Variants in VEZT observed in about 807,000 individuals in gnomAD.
VEZT encodes the protein vezatin, adherens junctions transmembrane protein, also known as vezatin.
Under a neutral mutation model 79.9 loss-of-function variants are expected in VEZT, and 39 were observed. The ratio of observed to expected loss-of-function variants is 0.49; its 90% CI spans 0.38 to 0.64. The LOEUF (loss-of-function observed/expected upper bound fraction) is 0.64, where lower values mean the gene tolerates loss of function less well. VEZT is among the 30% of genes least tolerant of loss of function. The pLI is 0.00. For synonymous variants in VEZT, 325 were observed against 327.6 expected (o/e 0.99, Z 0.09); for missense variants, 837 against 893.1 (o/e 0.94, Z 0.80).
At chr12:95,272,199 AG>A in intron 6 of VEZT, among the ~76,000 whole-genome samples, 1 of 151,118 alleles carries the variant, frequency 6.6e-6, no homozygotes, top group Non-Finnish European at 1.5e-5. Context: ...ATAAATGGAC[AG>A]ATGGGATTCT....
chr12:95,238,729 T>C (rs2060504456), intron 1 of VEZT, among the ~76,000 whole-genome samples: 1 of 152,228 alleles, frequency 6.6e-6, no homozygotes, highest in African/African-American at 2.4e-5. Flanking sequence ...ACCTGATTCT[T>C]CAAATCAGAA....
chr12:95,266,304 A>G (rs2065525916), intron 4 of VEZT, 53 bp from the exon 5 acceptor site: 4 of 1,522,698 alleles, frequency 2.6e-6, no homozygotes, highest in African/African-American at 1.4e-5. Context: ...AAAGTAATTC[A>G]TCTTTCTTTC....
chr12:95,248,604 A>G (rs535427123), intron 1 of VEZT, among the ~76,000 whole-genome samples: 7 of 152,318 alleles, frequency 4.6e-5, no homozygotes, highest in African/African-American at 1.7e-4. Flanking sequence ...TATAATCTCA[A>G]TAAAAAGTTT....
At chr12:95,279,904 G>A (rs771459924) in intron 7 of VEZT, among the ~76,000 whole-genome samples, 13 of 152,120 alleles carry the variant, frequency 8.5e-5, no homozygotes, top group South Asian at 4.1e-4. Flanking sequence ...TTCAAAAGCC[G>A]CAGTAAACTG....
chr12:95,277,752 G>GTATTAGATTAAA (rs1340745976), intron 7 of VEZT, among the ~76,000 whole-genome samples: 2 of 152,124 alleles, frequency 1.3e-5, no homozygotes, highest in Non-Finnish European at 2.9e-5. Flanking sequence ...GCCTTATAAG[G>GTATTAGATTAAA]TATTAGATTA....
intron 6 of VEZT, among the ~76,000 whole-genome samples, chr12:95,270,511 C>T (rs2066383434): frequency 6.6e-6 from 1 of 152,124 alleles, no homozygotes; most frequent in South Asian, 2.1e-4. Context: ...CTCAACATGG[C>T]AGATTTGCAT....
In VEZT at chr12:95,282,536, A is replaced by G; in HGVS notation, c.1220A>G (p.Gln407Arg). 11 of 1,614,044 alleles carry G rather than the reference A, an allele frequency of 6.8e-6. No homozygotes were observed. The highest frequency in any genetic ancestry group is 9.3e-6 in the Non-Finnish European group (11 of 1,179,894). ...EFYRYFETQH[Q>R]SVPQCLSKTQ... Reference sequence around the variant, plus strand: ...TATCGGTACTTTGAAACTCAGCACCAGTCAGTACCGCAGTGTTTATCCAAA... The same window carrying G: ...TATCGGTACTTTGAAACTCAGCACCGGTCAGTACCGCAGTGTTTATCCAAA... The change falls in exon 8 of 12, where the codon CAG (glutamine) becomes CGG (arginine). Residue 407 changes from glutamine to arginine, a missense_variant. Physicochemically the swap from Gln to Arg is conservative, Grantham distance 43 (BLOSUM62 1). Transcript: ENST00000436874.
At chr12:95,283,969 G>A (rs981726164) in intron 8 of VEZT, among the ~76,000 whole-genome samples, 13 of 152,298 alleles carry the variant, frequency 8.5e-5, no homozygotes, top group East Asian at 5.8e-4. Flanking sequence ...CAGAGCCTCC[G>A]AAGAAGTAAG....
intron 2 of VEZT, among the ~76,000 whole-genome samples, chr12:95,256,201 A>G (rs1467074335): frequency 2.0e-5 from 3 of 151,846 alleles, no homozygotes. Context: ...ACAGGCATGC[A>G]CCACTATGCC....
intron 1 of VEZT, chr12:95,224,054 T>C: frequency 2.6e-6 from 1 of 384,984 alleles, no homozygotes; most frequent in Non-Finnish European, 5.3e-6. Flanking sequence ...TACCCAAGTA[T>C]ATAGTTGAGG....
At chr12:95,289,420 A>G (rs2072071553) in intron 9 of VEZT, among the ~76,000 whole-genome samples, 1 of 114,348 alleles carries the variant, frequency 8.7e-6, no homozygotes, top group Non-Finnish European at 2.1e-5. Flanking sequence ...CTTGTCTCAA[A>G]AAAAAAAAAA....
At chr12:95,261,149 A>C (rs1026785987) in intron 3 of VEZT, among the ~76,000 whole-genome samples, 1 of 152,170 alleles carries the variant, frequency 6.6e-6, no homozygotes, top group African/African-American at 2.4e-5. Context: ...GTGGCATATA[A>C]CCCTGATCAA....
At chr12:95,245,612 G>A in intron 1 of VEZT, 1 of 455,906 alleles carries the variant, frequency 2.2e-6, no homozygotes, top group Non-Finnish European at 4.4e-6. Flanking sequence ...TTCTTCTCTG[G>A]CCCAAGACCT....
intron 10 of VEZT, among the ~76,000 whole-genome samples, chr12:95,294,962 A>G (rs2073821764): frequency 6.6e-6 from 1 of 152,208 alleles, no homozygotes; most frequent in Admixed American, 6.5e-5. Context: ...AGAGAGCTAG[A>G]TAAGCAGGCT....
Position 95,217,818 on chromosome 12 carries a change from A to G in VEZT, c.-33A>G. 1.3e-6 allele frequency: 2 copies of G among 1,551,268 alleles called. No individual in the cohort carries two copies. The highest frequency in any genetic ancestry group is 1.7e-6 in the Non-Finnish European group (2 of 1,153,808). On this transcript the variant is annotated 5_prime_UTR_variant, in exon 1 of 12. Transcript: ENST00000436874. The stretch of plus-strand genomic sequence containing the variant: ...GCCTGTACTCCCGCCTTCATTTCCC[A>G]TCGTGCTGAGGCGGGTGGCATGGCG...
chr12:95,223,955 C>T (rs193258243), intron 1 of VEZT, among the ~76,000 whole-genome samples: 196 of 152,136 alleles, frequency 1.3e-3, no homozygotes, highest in Non-Finnish European at 9.3e-4. Flanking sequence ...CTATAAATTT[C>T]CCTGAGTATT....
At chr12:95,286,227 G>A in intron 8 of VEZT, 1 of 277,094 alleles carries the variant, frequency 3.6e-6, no homozygotes, top group South Asian at 3.6e-5. Flanking sequence ...CCTGACCTCA[G>A]GTGATCCACC....
At chr12:95,288,603 G>C (rs966245801) in intron 9 of VEZT, among the ~76,000 whole-genome samples, 35 of 152,106 alleles carry the variant, frequency 2.3e-4, no homozygotes, top group Non-Finnish European at 4.4e-4. Flanking sequence ...TTACCATCCT[G>C]TTATTTTTGT....
intron 10 of VEZT, among the ~76,000 whole-genome samples, chr12:95,295,768 A>AAGTG (rs2074009587): frequency 6.6e-6 from 1 of 152,234 alleles, no homozygotes; most frequent in African/African-American, 2.4e-5. Flanking sequence ...CTGTAACACT[A>AAGTG]AGTGTATGGT....
Sources: gnomAD v4.1 joint callset for allele counts (sites outside exome capture counted in the v4.1 genomes callset) on GRCh38, gnomAD v4.1.1 for gene constraint, MANE v1.5 for transcripts, NCBI Gene and HGNC (gene_info 2026-07-23, HGNC 2026-07-21) for gene names.